The following PRUNE2 variants were observed in gnomAD, a reference collection of about 807,000 sequenced individuals.
The protein encoded by PRUNE2 is prune homolog 2 with BCH domain, also known as protein prune homolog 2.
In PRUNE2, 164 loss-of-function variants were observed where a neutral mutation model predicts 252.0. The ratio of observed to expected loss-of-function variants is 0.65; its 90% CI spans 0.57 to 0.74. The LOEUF is 0.74. Ranked by LOEUF, PRUNE2 falls within the 30% of genes least tolerant of loss-of-function variation. PRUNE2 has a pLI of 0.00. For missense variants in PRUNE2, 3,495 were observed against 3,711.0 expected (o/e 0.94, Z 1.51); for synonymous variants, 1,292 against 1,350.2 (o/e 0.96, Z 0.94).
intron 9 of PRUNE2, among the ~76,000 whole-genome samples, chr9:76,693,439 C>CTTTTTTTTTT (rs550030416): frequency 0.014 from 1,545 of 107,868 alleles, 72 homozygotes; most frequent in East Asian, 0.037. Context: ...AGCACCTACT[C>CTTTTTTTTTT]TTTTTTTTTT....
rs767436183 is a variant in PRUNE2, at chr9:76,706,867, A to G, written c.5407T>C (p.Ser1803Pro). 3 of 1,594,672 alleles carry G rather than the reference A, an allele frequency of 1.9e-6. No individual in the cohort carries two copies. Among genetic ancestry groups the G allele is most frequent in the Non-Finnish European group, 2.6e-6 (3 of 1,170,778 alleles). Residue 1803 changes from serine (S) to proline (P), a missense_variant, in exon 8 of 19, where the codon TCT becomes CCT. By Grantham distance (74) the Ser-to-Pro change is moderately conservative (BLOSUM62 -1). Coordinates refer to ENST00000376718, the MANE Select transcript of PRUNE2 (RefSeq NM_015225.3). ...TTCTTTGGGAACGAAGCTTTGGGAG[A>G]TATTTGCCATGCAACATCTCCTGTT... Reference protein sequence around the residue: ...GTTGDVAWQISPKASFPKNED... With the variant: ...GTTGDVAWQIPPKASFPKNED...
At chr9:76,875,080 G>A (rs1465812920) in intron 1 of PRUNE2, among the ~76,000 whole-genome samples, 1 of 151,992 alleles carries the variant, frequency 6.6e-6, no homozygotes, top group Non-Finnish European at 1.5e-5. Flanking sequence ...GACAGCACCT[G>A]TATTCCAGGT....
chr9:76,898,371 C>T (rs893597635), intron 1 of PRUNE2, among the ~76,000 whole-genome samples: 10 of 152,142 alleles, frequency 6.6e-5, no homozygotes, highest in Non-Finnish European at 1.0e-4. Context: ...CAGCAATCAT[C>T]AAGGATGGGA....
At chr9:76,854,586 C>CT (rs2060139356) in intron 1 of PRUNE2, among the ~76,000 whole-genome samples, 1 of 152,126 alleles carries the variant, frequency 6.6e-6, no homozygotes, top group Middle Eastern at 3.4e-3. Context: ...AACAAAATGA[C>CT]TTTTTTCATA....
chr9:76,810,556 A>T (rs2057288761), intron 6 of PRUNE2, among the ~76,000 whole-genome samples: 1 of 152,176 alleles, frequency 6.6e-6, no homozygotes, highest in Admixed American at 6.5e-5. Context: ...GACACCACTG[A>T]CCTGTAATAA....
At chr9:76,712,471 C>T in intron 7 of PRUNE2, among the ~76,000 whole-genome samples, 1 of 90,508 alleles carries the variant, frequency 1.1e-5, no homozygotes, top group Non-Finnish European at 1.9e-5. Flanking sequence ...CCACCTCTGG[C>T]TATTGCTAGG....
intron 9 of PRUNE2, among the ~76,000 whole-genome samples, chr9:76,666,245 C>T (rs1329301485): frequency 6.6e-6 from 1 of 152,142 alleles, no homozygotes; most frequent in Non-Finnish European, 1.5e-5. Context: ...AAAACACCCG[C>T]TACTTAGCAG....
intron 6 of PRUNE2, chr9:76,778,503 T>G (rs2054039429): frequency 6.6e-6 from 1 of 152,150 alleles, no homozygotes; most frequent in Admixed American, 6.6e-5. Flanking sequence ...ACACAGGAGA[T>G]CAGTTGGAGC....
intron 9 of PRUNE2, among the ~76,000 whole-genome samples, chr9:76,670,473 G>C (rs1055352488): frequency 6.6e-6 from 1 of 151,742 alleles, no homozygotes; most frequent in Non-Finnish European, 1.5e-5. Flanking sequence ...TGAGGCTGGG[G>C]GAGGGGCGCC....
intron 6 of PRUNE2, among the ~76,000 whole-genome samples, chr9:76,752,946 A>C (rs1368376034): frequency 6.6e-6 from 1 of 152,178 alleles, no homozygotes; most frequent in Non-Finnish European, 1.5e-5. Flanking sequence ...GAAAAAGAAA[A>C]CTATTGCTTT....
intron 6 of PRUNE2, among the ~76,000 whole-genome samples, chr9:76,820,238 C>A (rs1238015408): frequency 2.0e-5 from 3 of 152,180 alleles, no homozygotes; most frequent in Non-Finnish European, 4.4e-5. Context: ...ACTTCCTGTA[C>A]TGAGCAAAGC....
chr9:76,665,927 A>G (rs1175813980), intron 9 of PRUNE2, among the ~76,000 whole-genome samples: 2 of 152,234 alleles, frequency 1.3e-5, no homozygotes, highest in African/African-American at 4.8e-5. Context: ...AACAAGAATT[A>G]TACTAGATCT....
intron 9 of PRUNE2, among the ~76,000 whole-genome samples, chr9:76,666,189 C>T (rs185575940): frequency 3.9e-5 from 6 of 152,244 alleles, no homozygotes; most frequent in South Asian, 2.1e-4. Flanking sequence ...GGAAGACACC[C>T]GTTGCCAAGC....
intron 1 of PRUNE2, among the ~76,000 whole-genome samples, chr9:76,883,165 T>G (rs1334787691): frequency 6.6e-6 from 1 of 152,190 alleles, no homozygotes; most frequent in African/African-American, 2.4e-5. Flanking sequence ...GTTGACTCAC[T>G]TTTACATATA....
intron 4 of PRUNE2, among the ~76,000 whole-genome samples, chr9:76,831,868 C>A (rs2058692229): frequency 6.6e-6 from 1 of 151,966 alleles, no homozygotes; most frequent in Non-Finnish European, 1.5e-5. Flanking sequence ...ATACTGCTTA[C>A]CAGAGCACAC....
At chr9:76,869,328 G>A (rs879420672) in intron 1 of PRUNE2, 4 of 152,196 alleles carry the variant, frequency 2.6e-5, no homozygotes, top group Admixed American at 6.5e-5. Context: ...GGAAATGTGC[G>A]AGGGATCTGC....
intron 9 of PRUNE2, among the ~76,000 whole-genome samples, chr9:76,694,021 C>T (rs550676854): frequency 4.3e-4 from 65 of 152,264 alleles, no homozygotes; most frequent in Admixed American, 1.0e-3. Flanking sequence ...CTGGTTGTAT[C>T]TTGGGAATGT....
intron 6 of PRUNE2, among the ~76,000 whole-genome samples, chr9:76,746,720 A>AC (rs1285067711): frequency 2.0e-4 from 29 of 144,978 alleles, no homozygotes; most frequent in African/African-American, 7.4e-4. Context: ...TCAAAAAAAA[A>AC]AAAAAAAAAA....
chr9:76,644,319 T>C (rs146972626), intron 12 of PRUNE2, among the ~76,000 whole-genome samples: 96 of 152,148 alleles, frequency 6.3e-4, no homozygotes, highest in African/African-American at 2.3e-3. Context: ...CCAAAGCTTC[T>C]GAAGAGGATT....
Sources: allele counts gnomAD v4.1 joint callset (sites outside exome capture counted in the v4.1 genomes callset), GRCh38; gene constraint gnomAD v4.1.1; transcripts MANE v1.5; gene names NCBI Gene and HGNC (gene_info 2026-07-23, HGNC 2026-07-21).